Variants in RAPGEF4 observed in about 807,000 individuals in gnomAD.
RAPGEF4 encodes the protein Rap guanine nucleotide exchange factor 4.
RAPGEF4 carries 66 observed loss-of-function variants against 147.9 expected under a neutral mutation model. That is an observed-to-expected ratio of 0.45 (90% CI 0.37 to 0.55). RAPGEF4 has a LOEUF of 0.55. Ranked by LOEUF, RAPGEF4 falls within the 20% of genes least tolerant of loss-of-function variation. RAPGEF4 has a pLI of 0.00. For synonymous variants in RAPGEF4, 419 were observed against 442.7 expected (o/e 0.95, Z 0.67); for missense variants, 1,071 against 1,257.3 (o/e 0.85, Z 2.24).
At chr2:172,980,784 A>T (rs972208899) in intron 10 of RAPGEF4, among the ~76,000 whole-genome samples, 7 of 152,136 alleles carry the variant, frequency 4.6e-5, no homozygotes, top group Admixed American at 3.9e-4. Flanking sequence ...CAATATTATT[A>T]ATATGTTGAG....
chr2:172,851,518 A>G (rs1437057908), intron 4 of RAPGEF4, among the ~76,000 whole-genome samples: 2 of 152,190 alleles, frequency 1.3e-5, no homozygotes, highest in African/African-American at 2.4e-5. Context: ...AGCACTATTC[A>G]CAATAGCAAA....
chr2:173,036,335 G>A (rs1684005299), intron 28 of RAPGEF4, 123 bp downstream of exon 28: 3 of 803,666 alleles, frequency 3.7e-6, no homozygotes, highest in South Asian at 1.6e-5. Context: ...TGCCTTCTTT[G>A]TCATCTCCTC....
chr2:172,887,136 G>A lies in RAPGEF4; in HGVS notation c.445-30666G>A, dbSNP rs556886687. Among the ~76,000 whole-genome samples, 20 of 150,680 alleles carry A rather than the reference G, an allele frequency of 1.3e-4. No homozygotes were observed. The East Asian group carries it at 2.9e-3, about 22-fold the overall frequency. On this transcript the variant is annotated intron_variant, in intron 4 of 30. Coordinates refer to ENST00000397081, the MANE Select transcript of RAPGEF4 (RefSeq NM_007023.4). ...TGTGATTCAGAGCTTGCAGTGAGCC[G>A]AGATTGCGCCACTGCAGTCCGCAGT...
chr2:172,879,831 A>C (rs1696397242), intron 4 of RAPGEF4, among the ~76,000 whole-genome samples: 2 of 152,164 alleles, frequency 1.3e-5, no homozygotes, highest in African/African-American at 4.8e-5. Flanking sequence ...ATAATTTGTT[A>C]AGCGTATATA....
At chr2:172,843,600 G>T (rs1236377710) in intron 4 of RAPGEF4, among the ~76,000 whole-genome samples, 1 of 152,164 alleles carries the variant, frequency 6.6e-6, no homozygotes, top group Non-Finnish European at 1.5e-5. Flanking sequence ...AAGATGAAAA[G>T]TTCTTGTGAG....
chr2:172,754,515 A>G (rs1174406985), intron 1 of RAPGEF4, among the ~76,000 whole-genome samples: 1 of 152,170 alleles, frequency 6.6e-6, no homozygotes, highest in Non-Finnish European at 1.5e-5. Flanking sequence ...TTTCATAAAG[A>G]CAGTAAGAAG....
chr2:173,008,642 T>C (rs1224880843), intron 17 of RAPGEF4, among the ~76,000 whole-genome samples: 1 of 152,230 alleles, frequency 6.6e-6, no homozygotes, highest in Non-Finnish European at 1.5e-5. Flanking sequence ...CTGCAAAAAG[T>C]ATACATAATA....
rs373593758 is a variant in RAPGEF4 at position 172,919,621 on chromosome 2, G to A, written c.517+1747G>A. Reference sequence around the variant, plus strand: ...CCCCTCTTCCATGGCATCCTTTCCTGCAACTGATACAAACACTTCCCAAAC... The same window carrying A: ...CCCCTCTTCCATGGCATCCTTTCCTACAACTGATACAAACACTTCCCAAAC... On this transcript the variant is annotated intron_variant, in intron 5 of 30. Coordinates refer to ENST00000397081, the MANE Select transcript of RAPGEF4 (RefSeq NM_007023.4). 7.3e-4 allele frequency among the ~76,000 whole-genome samples: 111 copies of A among 151,980 alleles called. 3 individuals carry two copies. The highest frequency in any genetic ancestry group is 2.7e-3 in the African/African-American group (111 of 41,442).
At chr2:172,936,042 G>C (rs1187556392) in intron 6 of RAPGEF4, among the ~76,000 whole-genome samples, 1 of 152,128 alleles carries the variant, frequency 6.6e-6, no homozygotes, top group African/African-American at 2.4e-5. Flanking sequence ...ATCTCTTTCT[G>C]ATCATAAATA....
intron 4 of RAPGEF4, among the ~76,000 whole-genome samples, chr2:172,888,536 A>C (rs1357130003): frequency 6.6e-6 from 1 of 152,238 alleles, no homozygotes; most frequent in Non-Finnish European, 1.5e-5. Flanking sequence ...AGATTAGAAA[A>C]GTTTAGCATT....
At chr2:172,760,430 G>C (rs1042213326) in intron 1 of RAPGEF4, among the ~76,000 whole-genome samples, 1 of 152,208 alleles carries the variant, frequency 6.6e-6, no homozygotes, top group Non-Finnish European at 1.5e-5. Flanking sequence ...ATTTAAAAGT[G>C]AATGGAGGCT....
intron 4 of RAPGEF4, among the ~76,000 whole-genome samples, chr2:172,875,269 A>G (rs1695765587): frequency 6.6e-6 from 1 of 152,078 alleles, no homozygotes; most frequent in East Asian, 1.9e-4. Context: ...CCATTTGTCA[A>G]TTTTGGCTTT....
chr2:172,830,851 T>C (rs1417719437), intron 4 of RAPGEF4, among the ~76,000 whole-genome samples: 1 of 152,182 alleles, frequency 6.6e-6, no homozygotes, highest in Non-Finnish European at 1.5e-5. Context: ...GGTACAAAAT[T>C]CCAAAAGTAC....
intron 10 of RAPGEF4, among the ~76,000 whole-genome samples, chr2:172,977,400 C>T (rs963923463): frequency 1.3e-5 from 2 of 152,038 alleles, no homozygotes; most frequent in African/African-American, 2.4e-5. Context: ...TGGTGGGGAA[C>T]GCTCAGTTTT....
Position 172,821,935 on chromosome 2 carries a change from G to C in RAPGEF4, c.444+7510G>C, listed in dbSNP as rs2258180. ...GGATAGATGCTCACTGGATGTCTGA[G>C]AACTTTGAGAGACCGAAAAAGAAGG... On this transcript the variant is annotated intron_variant, in intron 4 of 30. Coordinates refer to ENST00000397081, the MANE Select transcript of RAPGEF4 (RefSeq NM_007023.4). The C allele has an allele frequency of 1.1e-5, 18 of 1,612,664 alleles. No individual in the cohort carries two copies. The South Asian group carries it at 2.0e-4, about 18-fold the overall frequency.
chr2:172,814,387 C>T lies in RAPGEF4; in HGVS notation c.406C>T (p.Leu136Phe). ...TIVTRESSEL[L>F]RIEQKDFKAL... ...CGTTACCAGGGAGAGCAGTGAACTG[C>T]TCCGCATCGAGCAGAAGGACTTCAA... Residue 136 changes from leucine to phenylalanine, a missense_variant, in exon 4 of 31, where the codon CTC becomes TTC. By Grantham distance (22) the Leu-to-Phe change is conservative. Coordinates refer to ENST00000397081, the MANE Select transcript of RAPGEF4 (RefSeq NM_007023.4). The T allele has an allele frequency of 6.2e-7, 1 of 1,614,186 alleles. No homozygotes were observed.
intron 1 of RAPGEF4, among the ~76,000 whole-genome samples, chr2:172,757,391 A>G (rs1695877793): frequency 1.3e-5 from 2 of 152,182 alleles, no homozygotes; most frequent in South Asian, 4.1e-4. Flanking sequence ...ATGATTTTGA[A>G]GTATGTGGAT....
chr2:172,753,661 A>G (rs1398265041), intron 1 of RAPGEF4, among the ~76,000 whole-genome samples: 1 of 152,202 alleles, frequency 6.6e-6, no homozygotes, highest in East Asian at 1.9e-4. Context: ...AATTTAGAAA[A>G]TAACAAATTA....
chr2:172,920,968 G>GT (rs1684690569), intron 5 of RAPGEF4, among the ~76,000 whole-genome samples: 1 of 152,020 alleles, frequency 6.6e-6, no homozygotes, highest in Non-Finnish European at 1.5e-5. Flanking sequence ...TTCTGACTGC[G>GT]TTTTTATGTC....
Sources: gnomAD v4.1 joint callset for allele counts (sites outside exome capture counted in the v4.1 genomes callset) on GRCh38, gnomAD v4.1.1 for gene constraint, MANE v1.5 for transcripts, NCBI Gene and HGNC (gene_info 2026-07-23, HGNC 2026-07-21) for gene names.